The following NIPA1 variants were observed in gnomAD, a reference collection of about 807,000 sequenced individuals.
The protein encoded by NIPA1 is NIPA magnesium transporter 1.
NIPA1 carries 13 observed loss-of-function variants against 23.9 expected under a neutral mutation model. The observed-to-expected ratio is 0.54, with a 90% CI of 0.35 to 0.87. The LOEUF (loss-of-function observed/expected upper bound fraction) is 0.87, where lower values mean the gene tolerates loss of function less well. Among genes scored for constraint, NIPA1 ranks in the 40% least tolerant of loss-of-function variants. The pLI is 0.01. For missense variants in NIPA1, 362 were observed against 429.7 expected, an observed-to-expected ratio of 0.84 and a Z score of 1.39; for synonymous variants, 234 against 202.9, an observed-to-expected ratio of 1.15 and a Z score of -1.30.
At chr15:22,788,516 T>A (rs1404127354) in intron 1 of NIPA1, among the ~76,000 whole-genome samples, 67 of 96,526 alleles carry the variant, frequency 6.9e-4, no homozygotes, top group Non-Finnish European at 1.2e-3. Context: ...AAAAAAAAAA[T>A]CTTGCAGTAC....
intron 1 of NIPA1, among the ~76,000 whole-genome samples, chr15:22,805,413 G>C (rs548116836): frequency 6.6e-6 from 1 of 152,064 alleles, no homozygotes; most frequent in African/African-American, 2.4e-5. Context: ...AGGACCGGGC[G>C]CGGTGGCTCA....
At chr15:22,803,997 G>A (rs1297502111) in intron 1 of NIPA1, among the ~76,000 whole-genome samples, 1 of 145,716 alleles carries the variant, frequency 6.9e-6, no homozygotes, top group Non-Finnish European at 1.5e-5. Flanking sequence ...GTTTTTTTGA[G>A]ACAGGGTCTC....
chr15:22,814,711 TGTTTAGAAAGAG>T (rs1360970436), intron 3 of NIPA1, among the ~76,000 whole-genome samples: 4 of 152,206 alleles, frequency 2.6e-5, no homozygotes, highest in Non-Finnish European at 5.9e-5. Context: ...GTACATGCTG[TGTTTAGAAAGAG>T]GTTTAAAAAA....
At chr15:22,801,507 C>CTTT (rs35360583) in intron 1 of NIPA1, among the ~76,000 whole-genome samples, 7 of 78,976 alleles carry the variant, frequency 8.9e-5, no homozygotes, top group South Asian at 5.1e-4. Context: ...CTTCTAGCGA[C>CTTT]TTTTTTTTTT....
rs999035829 is a variant in NIPA1 at position 22,815,335 on chromosome 15, C to T, written c.317+3082C>T. 1.1e-4 allele frequency among the ~76,000 whole-genome samples: 16 copies of T among 152,114 alleles called. No individual in the cohort carries two copies. The East Asian group carries it at 2.3e-3, about 22-fold the overall frequency. ...TATTTTATGTCATTATCTTTTATAC[C>T]GTTATTTTTCTTCTAGTACAAGATC... is the stretch of plus-strand genomic sequence containing the variant. On this transcript the variant is annotated intron_variant, in intron 3 of 4. Coordinates refer to ENST00000337435, the MANE Select transcript of NIPA1 (RefSeq NM_144599.5).
Position 22,826,729 on chromosome 15 carries a change from C to G in NIPA1, c.*2490C>G, listed in dbSNP as rs1247064199. ...CAAAAGTATTAATAGCTCTTCTACC[C>G]TTGAAGGTGACTGGTCCTGGGACAG... On this transcript the variant is annotated 3_prime_UTR_variant, in exon 5 of 5. Coordinates refer to ENST00000337435, the MANE Select transcript of NIPA1 (RefSeq NM_144599.5). 1 of 152,156 alleles carries G rather than the reference C, an allele frequency of 6.6e-6. No individual in the cohort carries two copies. The highest frequency in any genetic ancestry group is 1.5e-5 in the Non-Finnish European group (1 of 68,028). 9.4% of individuals were successfully genotyped at this position (152,156 alleles called of 1,614,324 possible).
rs746245357 is a variant in NIPA1 at position 22,786,853 on chromosome 15, G to C, written c.178+19G>C. ...CGGCGAGGTAGGGCGGGCGGCAGGC[G>C]GCAGGCGGCGGGCGGGTGGGGGAGG... On this transcript the variant is annotated intron_variant, in intron 1 of 4. Transcript: ENST00000337435. 8.9e-7 allele frequency: 1 copy of C among 1,118,624 alleles called. No individual in the cohort carries two copies. The highest frequency in any genetic ancestry group is 2.3e-5 in the South Asian group (1 of 43,010). The allele number at this position is 1,118,624 out of a possible 1,614,324, so 69.3% of individuals were successfully genotyped here.
rs886050993 is a variant in NIPA1, at chr15:22,827,247, C to T, written c.*3008C>T. 2 of 152,172 alleles carry T rather than the reference C, an allele frequency of 1.3e-5. No homozygotes were observed. The highest frequency in any genetic ancestry group is 2.9e-5 in the Non-Finnish European group (2 of 68,046). 9.4% of individuals were successfully genotyped at this position (152,172 alleles called of 1,614,324 possible). ...CTTCTTGGGCAATGCCTTGTTTTCT[C>T]CTCTGAATATTTGCATTTGAAAGGA... On this transcript the variant is annotated 3_prime_UTR_variant, in exon 5 of 5. Coordinates refer to ENST00000337435, the MANE Select transcript of NIPA1 (RefSeq NM_144599.5).
rs1359860989 is a variant in NIPA1, at chr15:22,786,850, G to A, written c.178+16G>A. On this transcript the variant is annotated intron_variant, in intron 1 of 4. Coordinates refer to ENST00000337435, the MANE Select transcript of NIPA1 (RefSeq NM_144599.5). ...AAGCGGCGAGGTAGGGCGGGCGGCA[G>A]GCGGCAGGCGGCGGGCGGGTGGGGG... 1 of 1,125,790 alleles carries A rather than the reference G, an allele frequency of 8.9e-7. No individual in the cohort carries two copies. 69.7% of individuals were successfully genotyped at this position (1,125,790 alleles called of 1,614,324 possible).
At position 22,788,979 on chromosome 15, in the gene NIPA1, CATTT is replaced by C. The variant is rs1455136924; in HGVS notation, c.178+2154_178+2157del. Among the ~76,000 whole-genome samples the C allele has an allele frequency of 9.7e-5, 14 of 143,696 alleles. No homozygotes were observed. In the South Asian group the frequency reaches 2.9e-3, roughly 30 times the overall value. 94.3% of individuals were successfully genotyped at this position (143,696 alleles called of 152,430 possible). A position where few individuals can be genotyped will look rare whatever the true frequency, so the allele number is the denominator to read the frequency against. ...TATACCTATATACTATGCTTTCATT[CATTT>C]ATTTATTTTTTATTATGATTTTTTT... On this transcript the variant is annotated intron_variant, in intron 1 of 4. Coordinates refer to ENST00000337435, the MANE Select transcript of NIPA1 (RefSeq NM_144599.5).
Position 22,786,715 on chromosome 15 carries a change from C to T in NIPA1, c.59C>T (p.Ala20Val). The T allele has an allele frequency of 1.7e-6, 2 of 1,194,022 alleles. No individual in the cohort carries two copies. The highest frequency in any genetic ancestry group is 2.1e-6 in the Non-Finnish European group (2 of 948,982). The allele number at this position is 1,194,022 out of a possible 1,614,324, so 74.0% of individuals were successfully genotyped here. The stretch of plus-strand genomic sequence containing the variant: ...GCGGCGGCGGCGGCCGGGGAGGGGG[C>T]GCGTAGCCCGAGCCCCGCCGCCGTG... ...AAAAAAAGEG[A>V]RSPSPAAVSL... Residue 20 changes from alanine (A) to valine (V), a missense_variant, in exon 1 of 5, where the codon GCG (alanine) becomes GTG (valine). Ala to Val is a moderately conservative substitution (Grantham distance 64). This residue lies in a region of NIPA1 where 85 missense variants were observed against 57.7 expected (regional missense o/e 1.47). Transcript: ENST00000337435.
chr15:22,812,639 C>T lies in NIPA1; in HGVS notation c.317+386C>T, dbSNP rs149180787. Among the ~76,000 whole-genome samples, 919 of 147,856 alleles carry T rather than the reference C, an allele frequency of 6.2e-3. 12 individuals are homozygous for T. The highest frequency in any genetic ancestry group is 0.022 in the African/African-American group (878 of 39,964). On this transcript the variant is annotated intron_variant, in intron 3 of 4. Transcript: ENST00000337435. Reference sequence around the variant, plus strand: ...CAGCACTCCAGCCTGGGAGACAGAGCGAGACTCTGCCTTAAAAAAAAAAAA... The same window carrying T: ...CAGCACTCCAGCCTGGGAGACAGAGTGAGACTCTGCCTTAAAAAAAAAAAA...
At chr15:22,819,536 TG>T (rs768055135) in intron 3 of NIPA1, 21 of 152,210 alleles carry the variant, frequency 1.4e-4, no homozygotes, top group Non-Finnish European at 2.8e-4. Context: ...GCATTAATAA[TG>T]TGACCAGTTT....
chr15:22,792,393 C>G (rs964860697), intron 1 of NIPA1, among the ~76,000 whole-genome samples: 5 of 151,834 alleles, frequency 3.3e-5, no homozygotes, highest in Admixed American at 6.5e-5. Flanking sequence ...GAGTCTCGCT[C>G]TGTTGCCCAG....
intron 2 of NIPA1, 154 bp downstream of exon 2, chr15:22,810,950 C>G: frequency 1.4e-6 from 1 of 714,180 alleles, no homozygotes; most frequent in Non-Finnish European, 2.6e-6. Flanking sequence ...CCTTTCAGTT[C>G]GGATGTCCCT....
At chr15:22,823,641 G>T (rs941908851) in intron 4 of NIPA1, 87 bp from the exon 5 acceptor site, 2 of 1,413,652 alleles carry the variant, frequency 1.4e-6, no homozygotes, top group Non-Finnish European at 1.9e-6. Context: ...GGTGGCGGGT[G>T]GGGGCCCGGG....
chr15:22,800,005 A>ACTGCTAGAG (rs1401608502), intron 1 of NIPA1, among the ~76,000 whole-genome samples: 4 of 149,134 alleles, frequency 2.7e-5, no homozygotes, highest in African/African-American at 9.8e-5. Flanking sequence ...GACACTGGGG[A>ACTGCTAGAG]CTGCTAGAGG....
chr15:22,828,053 G>GT lies in NIPA1; in HGVS notation c.*3815dup, dbSNP rs1895686084. The GT allele has an allele frequency of 6.6e-6, 1 of 152,532 alleles. No homozygotes were observed. Among genetic ancestry groups the GT allele is most frequent in the South Asian group, 2.1e-4 (1 of 4,830 alleles). The allele number at this position is 152,532 out of a possible 1,614,324, so 9.4% of individuals were successfully genotyped here. A position where few individuals can be genotyped will look rare whatever the true frequency, so the allele number is the denominator to read the frequency against. The stretch of plus-strand genomic sequence containing the variant: ...GAAACTAGAAAGAGAACATTTCAGT[G>GT]TAAGGTCTGTTCCCGACAGCATGGA... On this transcript the variant is annotated 3_prime_UTR_variant, in exon 5 of 5. Coordinates refer to ENST00000337435, the MANE Select transcript of NIPA1 (RefSeq NM_144599.5).
chr15:22,816,768 G>A (rs1895428306), intron 3 of NIPA1, among the ~76,000 whole-genome samples: 2 of 151,730 alleles, frequency 1.3e-5, no homozygotes, highest in Admixed American at 6.6e-5. Flanking sequence ...TGGGATTACA[G>A]GCATGAGCCA....
Sources: allele counts gnomAD v4.1 joint callset (sites outside exome capture counted in the v4.1 genomes callset), GRCh38; gene constraint gnomAD v4.1.1; regional missense constraint gnomAD v4.1.1; transcripts MANE v1.5; gene names NCBI Gene and HGNC (gene_info 2026-07-23, HGNC 2026-07-21).